The following NBPF26 variants were observed in gnomAD, a reference collection of about 807,000 sequenced individuals.
The protein encoded by NBPF26 is NBPF member 26, also known as NBPF family member NBPF26.
NBPF26 carries 79 observed loss-of-function variants against 119.6 expected under a neutral mutation model. The ratio of observed to expected loss-of-function variants is 0.66; its 90% CI spans 0.55 to 0.80. The LOEUF (loss-of-function observed/expected upper bound fraction) is 0.80. Ranked by LOEUF, NBPF26 falls within the 30% of genes least tolerant of loss-of-function variation. The pLI is 0.00. For missense variants in NBPF26, 800 were observed against 1,198.2 expected, an observed-to-expected ratio of 0.67 and a Z score of 4.91; for synonymous variants, 299 against 457.7, an observed-to-expected ratio of 0.65 and a Z score of 4.43.
chr1:120,724,167 C>T lies in NBPF26; in HGVS notation c.-11C>T, dbSNP rs1650787341. 5.1e-6 allele frequency: 7 copies of T among 1,384,284 alleles called. 1 individual carries two copies. In the East Asian group the frequency reaches 1.8e-4, roughly 35 times the overall value. 85.8% of individuals were successfully genotyped at this position (1,384,284 alleles called of 1,614,324 possible). ...GCGGCGGCGGAGGAGGAGGAGGAGGCGACCGAGAAGATGCCCGCCCTGCGT... is the reference window on the plus strand; with the variant it reads ...GCGGCGGCGGAGGAGGAGGAGGAGGTGACCGAGAAGATGCCCGCCCTGCGT... On this transcript the variant is annotated 5_prime_UTR_variant, in exon 1 of 30. Coordinates refer to ENST00000620612, the Ensembl canonical transcript of NBPF26.
At chr1:120,822,460 C>A (rs1377962726) in intron 16 of NBPF26, among the ~76,000 whole-genome samples, 193 bp downstream of exon 16, 211 of 95,912 alleles carry the variant, frequency 2.2e-3, no homozygotes, top group African/African-American at 0.011. Context: ...GTGAGCTTTG[C>A]TCTCTTCCTA....
chr1:120,730,092 CT>C (rs1650859629), intron 1 of NBPF26, among the ~76,000 whole-genome samples: 1 of 88,046 alleles, frequency 1.1e-5, no homozygotes, highest in Admixed American at 1.2e-4. Context: ...TGTTGTATGA[CT>C]TTGTTGTAAG....
chr1:120,751,612 T>C lies in NBPF26; in HGVS notation c.74-12016T>C. Among the ~76,000 whole-genome samples the C allele has an allele frequency of 3.4e-5, 2 of 58,858 alleles. 1 individual carries two copies. Among genetic ancestry groups the C allele is most frequent in the Non-Finnish European group, 7.9e-5 (2 of 25,428 alleles). The allele number at this position is 58,858 out of a possible 152,430, so 38.6% of individuals were successfully genotyped here. A position where few individuals can be genotyped will look rare whatever the true frequency, so the allele number is the denominator to read the frequency against. ...TCTGCTCGTTCGCTCGCTCGCTTGC[T>C]CTTTCTCTCTTCCCTTTTCTTTCCT... On this transcript the variant is annotated intron_variant, in intron 1 of 29. Coordinates refer to ENST00000620612, the Ensembl canonical transcript of NBPF26.
chr1:120,805,186 C>A (rs1405346957), intron 4 of NBPF26, among the ~76,000 whole-genome samples: 3 of 111,384 alleles, frequency 2.7e-5, no homozygotes, highest in East Asian at 2.7e-4. Context: ...TTGGTGGTGA[C>A]CCTCAGGTGA....
intron 1 of NBPF26, among the ~76,000 whole-genome samples, chr1:120,752,534 ATATATATATATATATATATATT>A: frequency 7.2e-5 from 1 of 13,948 alleles, no homozygotes; most frequent in African/African-American, 4.0e-4. Flanking sequence ...ATATATATAT[ATATATATATATATATATATATT>A]TTTTTTTTTT....
At position 120,727,827 on chromosome 1, in the gene NBPF26, G is replaced by A. The variant is rs1650832351; in HGVS notation, c.73+3577G>A. 2.6e-5 allele frequency among the ~76,000 whole-genome samples: 3 copies of A among 116,698 alleles called. 1 individual carries two copies. The highest frequency in any genetic ancestry group is 8.2e-5 in the Admixed American group (1 of 12,260). 76.6% of individuals were successfully genotyped at this position (116,698 alleles called of 152,430 possible). ...TGTTTCCCCCCCTTTCTCTGCAAAT[G>A]ACTTGAAACCAAAAGGTCTTCTTTT... On this transcript the variant is annotated intron_variant, in intron 1 of 29. Coordinates refer to ENST00000620612, the Ensembl canonical transcript of NBPF26.
intron 1 of NBPF26, among the ~76,000 whole-genome samples, chr1:120,737,697 C>G (rs1249663545): frequency 0.067 from 8,064 of 119,520 alleles, 2,329 homozygotes; most frequent in African/African-American, 0.24. Flanking sequence ...CTTCTTTGTA[C>G]TAGTTGAGAC....
At position 120,805,892 on chromosome 1, in the gene NBPF26, G is replaced by T; in HGVS notation, c.961+127G>T. 7.0e-6 allele frequency: 5 copies of T among 716,396 alleles called. 1 individual carries two copies. The highest frequency in any genetic ancestry group is 1.1e-5 in the Non-Finnish European group (5 of 466,748). The allele number at this position is 716,396 out of a possible 1,614,324, so 44.4% of individuals were successfully genotyped here. On this transcript the variant is annotated intron_variant, in intron 5 of 29. Transcript: ENST00000620612. ...TGTACTTCTAGGAAAACAGAAATGG[G>T]TATTTTAACATTTTGTTAAAGTTGG...
intron 15 of NBPF26, among the ~76,000 whole-genome samples, chr1:120,821,902 C>CGCT: frequency 8.2e-6 from 1 of 121,706 alleles, no homozygotes; most frequent in South Asian, 2.4e-4. Flanking sequence ...ACTGAGCACA[C>CGCT]GCTGCCCATT....
intron 6 of NBPF26, 136 bp from the exon 7 acceptor site, chr1:120,808,409 A>G: frequency 1.3e-6 from 1 of 753,238 alleles, no homozygotes; most frequent in Non-Finnish European, 2.2e-6. Context: ...TTGGCCACAG[A>G]CATTCCTTTC....
At position 120,776,129 on chromosome 1, in the gene NBPF26, T is replaced by G; in HGVS notation, c.156-8845T>G. ...CTTCTGCACTGAATAGTTGAATGCC[T>G]TCTATATGCCAGTCATTGTGTTAGG... On this transcript the variant is annotated intron_variant, in intron 2 of 29. Coordinates refer to ENST00000620612, the Ensembl canonical transcript of NBPF26. 1.7e-5 allele frequency among the ~76,000 whole-genome samples: 2 copies of G among 116,928 alleles called. 1 individual carries two copies. The highest frequency in any genetic ancestry group is 3.3e-5 in the Non-Finnish European group (2 of 61,012). 76.7% of individuals were successfully genotyped at this position (116,928 alleles called of 152,430 possible). A position where few individuals can be genotyped will look rare whatever the true frequency, so the allele number is the denominator to read the frequency against.
rs1220252750 is a variant in NBPF26 at position 120,789,937 on chromosome 1, G to C, written c.416-3224G>C. 2.8e-4 allele frequency among the ~76,000 whole-genome samples: 22 copies of C among 79,358 alleles called. 3 individuals are homozygous for C. Among genetic ancestry groups the C allele is most frequent in the Non-Finnish European group, 4.2e-4 (19 of 45,654 alleles). The allele number at this position is 79,358 out of a possible 152,430, so 52.1% of individuals were successfully genotyped here. On this transcript the variant is annotated intron_variant, in intron 3 of 29. Coordinates refer to ENST00000620612, the Ensembl canonical transcript of NBPF26. Reference sequence around the variant, plus strand: ...ATAATTAAAATGTCACTCTGAAATGGTCCCAAATTAAAACTTCTTCCTTGT... The same window carrying C: ...ATAATTAAAATGTCACTCTGAAATGCTCCCAAATTAAAACTTCTTCCTTGT...
At chr1:120,794,353 T>A (rs1651532458) in intron 4 of NBPF26, among the ~76,000 whole-genome samples, 1 of 109,900 alleles carries the variant, frequency 9.1e-6, no homozygotes, top group Non-Finnish European at 1.7e-5. Flanking sequence ...GAATTTTGAT[T>A]GGGAACAGAA....
chr1:120,840,266 C>T (rs1339893099), intron 29 of NBPF26, 84 bp from the exon 36 acceptor site: 3 of 1,438,236 alleles, frequency 2.1e-6, no homozygotes, highest in Non-Finnish European at 2.8e-6. Flanking sequence ...CTAACCACTT[C>T]CTTATGTTAC....
chr1:120,794,082 G>A (rs1164987485), intron 4 of NBPF26, among the ~76,000 whole-genome samples: 2 of 103,510 alleles, frequency 1.9e-5, no homozygotes, highest in Admixed American at 9.6e-5. Flanking sequence ...CTGAAACTGA[G>A]GAGGGGATCC....
At chr1:120,805,423 G>T (rs1553269626) in intron 4 of NBPF26, 133 bp from the exon 5 acceptor site, 1 of 1,300,412 alleles carries the variant, frequency 7.7e-7, no homozygotes, top group South Asian at 1.3e-5. Flanking sequence ...ATCCTAAAGT[G>T]CTGTGGGGAG....
chr1:120,768,121 T>C (rs1651214235), intron 2 of NBPF26, among the ~76,000 whole-genome samples: 1 of 105,506 alleles, frequency 9.5e-6, no homozygotes, highest in South Asian at 2.8e-4. Flanking sequence ...CTATGGATGC[T>C]AGGTTTTAGG....
In NBPF26 at chr1:120,823,752, C is replaced by CTCTGTGTGTG. The variant is rs1553272346; in HGVS notation, c.2640-221_2640-220insCTGTGTGTGT. Among the ~76,000 whole-genome samples the CTCTGTGTGTG allele has an allele frequency of 4.1e-5, 3 of 73,376 alleles. 1 individual carries two copies. The highest frequency in any genetic ancestry group is 7.3e-5 in the Non-Finnish European group (3 of 41,286). The allele number at this position is 73,376 out of a possible 152,430, so 48.1% of individuals were successfully genotyped here. On this transcript the variant is annotated intron_variant, in intron 17 of 29. Coordinates refer to ENST00000620612, the Ensembl canonical transcript of NBPF26. ...ACCTGACCAATTCACTGAGCTCGCT[C>CTCTGTGTGTG]TGTGTGTGTGTGTGTGTGTGTGTGT...
chr1:120,756,466 G>A (rs1197027188), intron 1 of NBPF26, among the ~76,000 whole-genome samples: 2 of 117,048 alleles, frequency 1.7e-5, no homozygotes, highest in Non-Finnish European at 3.3e-5. Flanking sequence ...TTGAGCAGTG[G>A]GTCTAAGCAC....
Sources: allele counts gnomAD v4.1 joint callset (sites outside exome capture counted in the v4.1 genomes callset), GRCh38; gene constraint gnomAD v4.1.1; transcripts MANE v1.5; gene names NCBI Gene and HGNC (gene_info 2026-07-23, HGNC 2026-07-21).